GRID2: variants seen among roughly 807,000 people sequenced by gnomAD.
GRID2 encodes glutamate receptor ionotropic, delta-2.
A neutral mutation model predicts 114.8 loss-of-function variants in GRID2; 33 were observed. That is an observed-to-expected ratio of 0.29 (90% CI 0.22 to 0.38). The LOEUF (loss-of-function observed/expected upper bound fraction) is 0.38. Ranked by LOEUF, GRID2 falls within the 10% of genes least tolerant of loss-of-function variation. The pLI is 1.00. For missense variants in GRID2, 1,184 were observed against 1,257.7 expected, an observed-to-expected ratio of 0.94 and a Z score of 0.89; for synonymous variants, 505 against 449.9, an observed-to-expected ratio of 1.12 and a Z score of -1.55.
intron 2 of GRID2, among the ~76,000 whole-genome samples, chr4:92,739,276 A>T (rs931140203): frequency 3.9e-5 from 6 of 152,146 alleles, no homozygotes; most frequent in Non-Finnish European, 8.8e-5. Context: ...TTAATTAACA[A>T]ACTTAAATTA....
chr4:92,794,327 G>A (rs1393796434), intron 2 of GRID2, among the ~76,000 whole-genome samples: 1 of 151,596 alleles, frequency 6.6e-6, no homozygotes. Flanking sequence ...ACTCTCTTCT[G>A]CCTGCAAATT....
chr4:92,872,304 T>C (rs1745333852), intron 2 of GRID2, among the ~76,000 whole-genome samples: 1 of 152,136 alleles, frequency 6.6e-6, no homozygotes, highest in Non-Finnish European at 1.5e-5. Context: ...CAAGAAGACA[T>C]ATAAATGGCA....
chr4:93,147,243 CA>C (rs1736350005), intron 4 of GRID2, among the ~76,000 whole-genome samples: 1 of 151,838 alleles, frequency 6.6e-6, no homozygotes, highest in Non-Finnish European at 1.5e-5. Flanking sequence ...CAGAGAGAAT[CA>C]AAAAACAAAC....
chr4:93,682,968 G>C (rs186125569), intron 14 of GRID2, among the ~76,000 whole-genome samples: 3 of 150,758 alleles, frequency 2.0e-5, no homozygotes, highest in African/African-American at 7.3e-5. Flanking sequence ...AAAAACACCC[G>C]TATCTGTTTC....
chr4:92,828,916 CCTT>C (rs1741915521), intron 2 of GRID2, among the ~76,000 whole-genome samples: 2 of 151,344 alleles, frequency 1.3e-5, no homozygotes, highest in African/African-American at 4.9e-5. Flanking sequence ...GGATATTAGA[CCTT>C]TGTCAGATGG....
chr4:93,484,466 A>T (rs753175643), intron 11 of GRID2, among the ~76,000 whole-genome samples: 32 of 151,908 alleles, frequency 2.1e-4, no homozygotes, highest in Non-Finnish European at 4.1e-4. Flanking sequence ...TCAAAAAAAA[A>T]CTTTAGATGA....
intron 14 of GRID2, among the ~76,000 whole-genome samples, chr4:93,760,937 A>G (rs1005542577): frequency 6.6e-6 from 1 of 152,178 alleles, no homozygotes; most frequent in African/African-American, 2.4e-5. Flanking sequence ...GACAAATACT[A>G]CCTCATCTTG....
chr4:92,449,843 A>T (rs1339579251), intron 1 of GRID2, among the ~76,000 whole-genome samples: 1 of 151,598 alleles, frequency 6.6e-6, no homozygotes, highest in Non-Finnish European at 1.5e-5. Flanking sequence ...TGAGTAATTT[A>T]GTCAGTGAGA....
intron 4 of GRID2, among the ~76,000 whole-genome samples, chr4:93,142,737 A>G (rs763646659): frequency 2.6e-5 from 4 of 152,236 alleles, no homozygotes; most frequent in Non-Finnish European, 5.9e-5. Context: ...AAAGAAACAG[A>G]CTGAAAGGAC....
intron 2 of GRID2, among the ~76,000 whole-genome samples, chr4:92,614,226 C>T (rs1729892216): frequency 6.6e-6 from 1 of 151,572 alleles, no homozygotes; most frequent in Admixed American, 6.6e-5. Flanking sequence ...CTCAGTTCTA[C>T]TTTATGCTTC....
At chr4:92,667,866 T>C (rs897842509) in intron 2 of GRID2, among the ~76,000 whole-genome samples, 1 of 151,808 alleles carries the variant, frequency 6.6e-6, no homozygotes, top group South Asian at 2.1e-4. Flanking sequence ...CAACAAGATA[T>C]AGTTAAAATA....
At chr4:92,436,697 G>C (rs1224897500) in intron 1 of GRID2, among the ~76,000 whole-genome samples, 2 of 151,958 alleles carry the variant, frequency 1.3e-5, no homozygotes, top group Non-Finnish European at 2.9e-5. Context: ...ATGTATATAT[G>C]TAGCTATAAA....
chr4:92,954,390 A>T (rs1320124863), intron 2 of GRID2, among the ~76,000 whole-genome samples: 1 of 151,974 alleles, frequency 6.6e-6, no homozygotes, highest in Non-Finnish European at 1.5e-5. Context: ...TCTTGGGATA[A>T]GGAGTATAAC....
At chr4:92,546,787 GA>G (rs1284525581) in intron 1 of GRID2, among the ~76,000 whole-genome samples, 1 of 152,028 alleles carries the variant, frequency 6.6e-6, no homozygotes, top group Non-Finnish European at 1.5e-5. Context: ...GCCTACAAAG[GA>G]AAAAATAATC....
chr4:92,924,694 A>G (rs1191846214), intron 2 of GRID2, among the ~76,000 whole-genome samples: 1 of 152,174 alleles, frequency 6.6e-6, no homozygotes, highest in Non-Finnish European at 1.5e-5. Context: ...GCATGACAAC[A>G]TATGCCATGT....
chr4:92,900,291 G>A (rs1230486424), intron 2 of GRID2, among the ~76,000 whole-genome samples: 1 of 152,066 alleles, frequency 6.6e-6, no homozygotes, highest in Non-Finnish European at 1.5e-5. Flanking sequence ...AATTTAGGGG[G>A]TACGAGTGCA....
intron 2 of GRID2, among the ~76,000 whole-genome samples, chr4:92,861,610 A>T (rs1332946898): frequency 6.6e-6 from 1 of 152,092 alleles, no homozygotes; most frequent in Non-Finnish European, 1.5e-5. Context: ...TTTAAGCGAT[A>T]GGCATGGTAA....
intron 14 of GRID2, among the ~76,000 whole-genome samples, chr4:93,704,663 G>A (rs753518189): frequency 1.3e-5 from 2 of 152,004 alleles, no homozygotes; most frequent in African/African-American, 2.4e-5. Context: ...GAGTTCAATC[G>A]TTTTCATTTT....
chr4:92,460,715 C>T (rs1721453127), intron 1 of GRID2, among the ~76,000 whole-genome samples: 1 of 152,184 alleles, frequency 6.6e-6, no homozygotes, highest in African/African-American at 2.4e-5. Flanking sequence ...TAACTCAGGA[C>T]TCATTTTGAA....
Sources: allele counts gnomAD v4.1 joint callset (sites outside exome capture counted in the v4.1 genomes callset), GRCh38; gene constraint gnomAD v4.1.1; transcripts MANE v1.5; gene names NCBI Gene and HGNC (gene_info 2026-07-23, HGNC 2026-07-21).